The following LBP variants were observed in gnomAD, a reference collection of about 807,000 sequenced individuals.
LBP encodes the protein lipopolysaccharide-binding protein.
A neutral mutation model predicts 56.6 loss-of-function variants in LBP; 53 were observed. The ratio of observed to expected loss-of-function variants is 0.94; its 90% CI spans 0.75 to 1.18. The LOEUF (loss-of-function observed/expected upper bound fraction) is 1.18. Among genes scored for constraint, LBP ranks in the 50% most tolerant of loss-of-function variants. LBP has a pLI of 0.00. For missense variants in LBP, 601 were observed against 598.3 expected, an observed-to-expected ratio of 1.00 and a Z score of -0.05; for synonymous variants, 227 against 247.5, an observed-to-expected ratio of 0.92 and a Z score of 0.78.
intron 14 of LBP, among the ~76,000 whole-genome samples, 159 bp from the exon 15 acceptor site, chr20:38,376,466 G>A (rs1307092908): frequency 3.3e-5 from 5 of 152,272 alleles, no homozygotes; most frequent in South Asian, 2.1e-4. Context: ...TGTGCTTTAC[G>A]GAGAGCTTGG....
intron 3 of LBP, among the ~76,000 whole-genome samples, chr20:38,351,493 A>G (rs982551128): frequency 4.6e-5 from 7 of 152,226 alleles, no homozygotes; most frequent in Middle Eastern, 6.8e-3. Context: ...CACTTTGAAC[A>G]GTTCTCTGAC....
chr20:38,373,089 G>C lies in LBP; in HGVS notation c.1278G>C (p.Ala426=), dbSNP rs763218293. Residue 426 remains alanine, a synonymous_variant, in exon 13 of 15, where the codon GCG becomes GCC. Transcript: ENST00000217407. ...TCTTCCAGGCAGAGCTGTTGGAAGC[G>C]CTCCTCAACTATTACATCCTTAACA... The part of the protein sequence containing the change: ...VGLFNAELLE[A]LLNYYILNTF... The C allele has an allele frequency of 6.2e-7, 1 of 1,613,872 alleles. No individual in the cohort carries two copies. Among genetic ancestry groups the C allele is most frequent in the Admixed American group, 1.7e-5 (1 of 60,020 alleles).
chr20:38,375,585 GA>G (rs921175013), intron 14 of LBP, among the ~76,000 whole-genome samples: 49 of 146,642 alleles, frequency 3.3e-4, no homozygotes, highest in Non-Finnish European at 4.4e-4. Context: ...CATCTCAAAA[GA>G]AAAAAAAAAT....
At position 38,364,711 on chromosome 20, in the gene LBP, C is replaced by T. The variant is rs1261690625; in HGVS notation, c.880C>T (p.His294Tyr). ...YVFNTASLVY[H>Y]EEGYLNFSIT... ...CTTCAACACGGCCAGCCTGGTTTAT[C>T]ATGAGGAAGGATATCTGAACTTCTC... is the stretch of plus-strand genomic sequence containing the variant. Residue 294 changes from histidine to tyrosine, a missense_variant, in exon 8 of 15, where the codon CAT becomes TAT. Transcript: ENST00000217407. 13 of 1,613,552 alleles carry T rather than the reference C, an allele frequency of 8.1e-6. No homozygotes were observed. Among genetic ancestry groups the T allele is most frequent in the African/African-American group, 1.3e-5 (1 of 74,892 alleles).
rs1170058556 is a variant in LBP, at chr20:38,365,696, CAAAAAAAA to C, written c.921+959_921+966del. Among the ~76,000 whole-genome samples the C allele has an allele frequency of 5.4e-3, 565 of 103,698 alleles. 4 individuals are homozygous for C. The highest frequency in any genetic ancestry group is 0.016 in the African/African-American group (467 of 29,076). 68.0% of individuals were successfully genotyped at this position (103,698 alleles called of 152,430 possible). A position where few individuals can be genotyped will look rare whatever the true frequency, so the allele number is the denominator to read the frequency against. The stretch of plus-strand genomic sequence containing the variant: ...TGGGCAACAGAGTGAGACTGCATCT[CAAAAAAAA>C]AAAAAAAAAAAAAATATATATATAT... On this transcript the variant is annotated intron_variant, in intron 8 of 14. Coordinates refer to ENST00000217407, the MANE Select transcript of LBP (RefSeq NM_004139.5).
At chr20:38,375,195 G>GTT (rs11480549) in intron 14 of LBP, among the ~76,000 whole-genome samples, 7 of 149,180 alleles carry the variant, frequency 4.7e-5, no homozygotes, top group East Asian at 2.0e-4. Flanking sequence ...TGTTTTAAGG[G>GTT]TTTTTTTTTT....
Position 38,374,004 on chromosome 20 carries a change from G to T in LBP, c.1392G>T (p.Gln464His). ...TTCAGCTCTACGACCTTGGGCTGCA[G>T]ATCCATAAGGTCGGTGGGTTCAGGG... Reference protein sequence around the residue: ...KRVQLYDLGLQIHKDFLFLGA... With the variant: ...KRVQLYDLGLHIHKDFLFLGA... Residue 464 changes from glutamine (Q) to histidine (H), a missense_variant, in exon 14 of 15, where the codon CAG (glutamine) becomes CAT (histidine). Physicochemically the swap from Gln to His is conservative, Grantham distance 24. Transcript: ENST00000217407. 6.2e-7 allele frequency: 1 copy of T among 1,614,114 alleles called. No individual in the cohort carries two copies. The highest frequency in any genetic ancestry group is 8.5e-7 in the Non-Finnish European group (1 of 1,179,986).
At position 38,364,044 on chromosome 20, in the gene LBP, A is replaced by T. The variant is rs2076871529; in HGVS notation, c.722A>T (p.Gln241Leu). 1.3e-5 allele frequency: 21 copies of T among 1,613,434 alleles called. No homozygotes were observed. Among genetic ancestry groups the T allele is most frequent in the Non-Finnish European group, 1.8e-5 (21 of 1,179,394 alleles). Reference sequence around the variant, plus strand: ...GTGGAAGCCCCTCGGGCAACAGCCCAGATGCTGGAGGTGATGTTTAAGGTG... The same window carrying T: ...GTGGAAGCCCCTCGGGCAACAGCCCTGATGCTGGAGGTGATGTTTAAGGTG... ...SLVEAPRATA[Q>L]MLEVMFKGEI... The change falls in exon 7 of 15, where the codon CAG becomes CTG. Residue 241 changes from glutamine (Q) to leucine (L), a missense_variant. By Grantham distance (113) the Gln-to-Leu change is moderately radical. Coordinates refer to ENST00000217407, the MANE Select transcript of LBP (RefSeq NM_004139.5).
At chr20:38,372,386 G>C (rs901253844) in intron 12 of LBP, among the ~76,000 whole-genome samples, 2 of 152,312 alleles carry the variant, frequency 1.3e-5, no homozygotes, top group African/African-American at 2.4e-5. Flanking sequence ...ATAAAGGGTG[G>C]AGTGAATAAT....
chr20:38,355,276 A>T, intron 4 of LBP, 70 bp from the exon 5 acceptor site: 1 of 1,411,860 alleles, frequency 7.1e-7, no homozygotes, highest in Non-Finnish European at 1.0e-6. Context: ...CTGACCAGGG[A>T]CCAGGGCCTG....
chr20:38,368,142 G>T (rs1304771521), intron 9 of LBP, among the ~76,000 whole-genome samples: 1 of 152,060 alleles, frequency 6.6e-6, no homozygotes, highest in Non-Finnish European at 1.5e-5. Flanking sequence ...AGAAATGGTG[G>T]GATCCAGCTG....
intron 3 of LBP, among the ~76,000 whole-genome samples, chr20:38,353,722 CA>C (rs2076828689): frequency 6.6e-6 from 1 of 152,106 alleles, no homozygotes; most frequent in Non-Finnish European, 1.5e-5. Context: ...CTCGTACATT[CA>C]ATAGCATTGA....
chr20:38,375,945 C>T (rs770645119), intron 14 of LBP, among the ~76,000 whole-genome samples: 1 of 152,210 alleles, frequency 6.6e-6, no homozygotes, highest in Non-Finnish European at 1.5e-5. Flanking sequence ...ATACTCAGCA[C>T]TTAACTGCTC....
chr20:38,354,369 C>A lies in LBP; in HGVS notation c.454C>A (p.Pro152Thr). ...GTTGGGCAGCGAGTCCTCCGGGAGGCCCACAGTTACTGCCTCCAGCTGCAG... is the reference window on the plus strand; with the variant it reads ...GTTGGGCAGCGAGTCCTCCGGGAGGACCACAGTTACTGCCTCCAGCTGCAG... Reference protein sequence around the residue: ...LLLGSESSGRPTVTASSCSSD... With the variant: ...LLLGSESSGRTTVTASSCSSD... The change falls in exon 4 of 15, where the codon CCC becomes ACC. Residue 152 changes from proline (P) to threonine (T), a missense_variant. Coordinates refer to ENST00000217407, the MANE Select transcript of LBP (RefSeq NM_004139.5). 1 of 1,613,656 alleles carries A rather than the reference C, an allele frequency of 6.2e-7. No homozygotes were observed. The highest frequency in any genetic ancestry group is 1.1e-5 in the South Asian group (1 of 91,066).
At chr20:38,374,471 C>CCAG (rs2076911151) in intron 14 of LBP, among the ~76,000 whole-genome samples, 1 of 151,704 alleles carries the variant, frequency 6.6e-6, no homozygotes, top group Non-Finnish European at 1.5e-5. Flanking sequence ...GTGGCAGGTG[C>CCAG]CTGTAATCCC....
rs765131511 is a variant in LBP at position 38,376,702 on chromosome 20, T to C, written c.*33T>C. ...AAAGATGAAGCTTGGAGGTCACAGC[T>C]GGATCTGCTTGTTGCATTTCCAGCT... is the stretch of plus-strand genomic sequence containing the variant. On this transcript the variant is annotated 3_prime_UTR_variant, in exon 15 of 15. Coordinates refer to ENST00000217407, the MANE Select transcript of LBP (RefSeq NM_004139.5). 52 of 1,587,880 alleles carry C rather than the reference T, an allele frequency of 3.3e-5. No individual in the cohort carries two copies. The highest frequency in any genetic ancestry group is 4.4e-5 in the Non-Finnish European group (51 of 1,156,356).
intron 5 of LBP, among the ~76,000 whole-genome samples, chr20:38,359,359 C>T (rs11536955): frequency 0.018 from 2,741 of 151,894 alleles, 95 homozygotes; most frequent in African/African-American, 0.061. Context: ...TGGGGGTGGA[C>T]CATTTGAGGT....
At chr20:38,373,361 G>A (rs1039285570) in intron 13 of LBP, among the ~76,000 whole-genome samples, 1 of 152,094 alleles carries the variant, frequency 6.6e-6, no homozygotes, top group Non-Finnish European at 1.5e-5. Flanking sequence ...TTTGGAGCAC[G>A]GGAAACCTCC....
At chr20:38,368,859 GAA>G in intron 9 of LBP, 134 bp from the exon 10 acceptor site, 1 of 860,882 alleles carries the variant, frequency 1.2e-6, no homozygotes, top group Non-Finnish European at 1.8e-6. Flanking sequence ...GCCACTAGGA[GAA>G]AAAGGCACAG....
Sources: gnomAD v4.1 joint callset for allele counts (sites outside exome capture counted in the v4.1 genomes callset) on GRCh38, gnomAD v4.1.1 for gene constraint, MANE v1.5 for transcripts, NCBI Gene and HGNC (gene_info 2026-07-23, HGNC 2026-07-21) for gene names.